The following TSGA10 variants were observed in gnomAD, a reference collection of about 807,000 sequenced individuals.
The protein encoded by TSGA10 is testis-specific gene 10 protein.
A neutral mutation model predicts 96.6 loss-of-function variants in TSGA10; 43 were observed. The observed-to-expected ratio is 0.44, with a 90% confidence interval of 0.35 to 0.57. TSGA10 has a LOEUF of 0.57. Among genes scored for constraint, TSGA10 ranks in the 20% least tolerant of loss-of-function variants. The pLI is 0.01. For missense variants in TSGA10, 703 were observed against 834.4 expected, an observed-to-expected ratio of 0.84 and a Z score of 1.94; for synonymous variants, 229 against 269.9, an observed-to-expected ratio of 0.85 and a Z score of 1.48.
chr2:99,102,695 T>A, intron 10 of TSGA10: 3 of 1,613,116 alleles, frequency 1.9e-6, no homozygotes, highest in Non-Finnish European at 2.5e-6. Flanking sequence ...GTCATATTGA[T>A]GTGATCACAG....
chr2:99,068,632 T>G (rs939389962), intron 15 of TSGA10, among the ~76,000 whole-genome samples: 1 of 152,154 alleles, frequency 6.6e-6, no homozygotes, highest in South Asian at 2.1e-4. Context: ...TCAAATTGAT[T>G]TTAGCCCTTT....
At chr2:99,137,886 CAA>C (rs35439305) in intron 1 of TSGA10, among the ~76,000 whole-genome samples, 136 of 115,890 alleles carry the variant, frequency 1.2e-3, no homozygotes, top group East Asian at 1.9e-3. Flanking sequence ...GACTCCATGT[CAA>C]AAAAAAAAAA....
intron 17 of TSGA10, among the ~76,000 whole-genome samples, chr2:99,033,036 G>C (rs1013285360): frequency 8.5e-5 from 13 of 152,196 alleles, no homozygotes; most frequent in Non-Finnish European, 5.9e-5. Context: ...TACACATCAG[G>C]AAAACTGAAT....
At chr2:99,047,443 C>T (rs6419568) in intron 16 of TSGA10, among the ~76,000 whole-genome samples, 52,223 of 151,932 alleles carry the variant, frequency 0.34, 10,093 homozygotes, top group African/African-American at 0.53. Context: ...TAAATGTAAT[C>T]CATCACATAA....
chr2:99,019,216 C>A (rs1314531881), intron 18 of TSGA10, among the ~76,000 whole-genome samples: 1 of 152,194 alleles, frequency 6.6e-6, no homozygotes, highest in Non-Finnish European at 1.5e-5. Flanking sequence ...CTATCCTCTT[C>A]ACTTGCTTTC....
chr2:99,047,171 T>C (rs944911052), intron 16 of TSGA10, among the ~76,000 whole-genome samples: 2 of 152,210 alleles, frequency 1.3e-5, no homozygotes, highest in African/African-American at 2.4e-5. Flanking sequence ...CCTTTCCTTC[T>C]GAAAGTATTC....
At chr2:99,134,237 CT>C (rs2093232601) in intron 1 of TSGA10, among the ~76,000 whole-genome samples, 1 of 152,150 alleles carries the variant, frequency 6.6e-6, no homozygotes, top group Non-Finnish European at 1.5e-5. Flanking sequence ...TAGGTCTGGT[CT>C]TTTCACATAG....
At chr2:98,999,604 G>T (rs906543032) in intron 20 of TSGA10, among the ~76,000 whole-genome samples, 2 of 152,064 alleles carry the variant, frequency 1.3e-5, no homozygotes, top group Non-Finnish European at 2.9e-5. Flanking sequence ...AAAGCCAAAA[G>T]AAATTTGTTA....
At position 99,147,301 on chromosome 2, in the gene TSGA10, G is replaced by A. The variant is rs551954559; in HGVS notation, c.-621+7392C>T. 9.9e-5 allele frequency: 62 copies of A among 624,342 alleles called. 1 individual carries two copies. The highest frequency in any genetic ancestry group is 6.2e-4 in the South Asian group (26 of 41,688). 38.7% of individuals were successfully genotyped at this position (624,342 alleles called of 1,614,324 possible). ...CAGGCGTGAGCCATTGTGCCCAGCC[G>A]CGTAGCCTATCTTAATATCTAGTAA... On this transcript the variant is annotated intron_variant, in intron 1 of 20. Transcript: ENST00000393483.
At chr2:99,112,109 A>C (rs1245595537) in intron 4 of TSGA10, among the ~76,000 whole-genome samples, 1 of 152,154 alleles carries the variant, frequency 6.6e-6, no homozygotes, top group Non-Finnish European at 1.5e-5. Context: ...TGAAAAACAA[A>C]ATAACTGGCC....
intron 10 of TSGA10, among the ~76,000 whole-genome samples, chr2:99,097,694 A>T (rs1365260487): frequency 6.6e-6 from 1 of 152,202 alleles, no homozygotes; most frequent in African/African-American, 2.4e-5. Context: ...AAAGCATACA[A>T]GACATTAGAT....
chr2:99,132,460 G>A (rs2093137349), intron 1 of TSGA10, among the ~76,000 whole-genome samples: 1 of 151,964 alleles, frequency 6.6e-6, no homozygotes, highest in South Asian at 2.1e-4. Context: ...ATTTCTGTGG[G>A]ATCAGTGGTA....
At chr2:99,146,524 T>C (rs1391076840) in intron 1 of TSGA10, among the ~76,000 whole-genome samples, 1 of 152,242 alleles carries the variant, frequency 6.6e-6, no homozygotes, top group African/African-American at 2.4e-5. Context: ...TTAAGCTTTT[T>C]AGTCTTGTTC....
chr2:99,130,176 TTC>T (rs1361136046), intron 1 of TSGA10, among the ~76,000 whole-genome samples: 3 of 152,232 alleles, frequency 2.0e-5, no homozygotes. Flanking sequence ...CAAATGGTAT[TTC>T]TGATTCTAGA....
chr2:99,126,736 A>C, intron 2 of TSGA10: 1 of 176,556 alleles, frequency 5.7e-6, no homozygotes, highest in Non-Finnish European at 1.2e-5. Flanking sequence ...CAAGTGTCAT[A>C]ATTATTTAAC....
At position 99,043,382 on chromosome 2, in the gene TSGA10, C is replaced by T. The variant is rs1115756; in HGVS notation, c.1405-7943G>A. Among the ~76,000 whole-genome samples the T allele has an allele frequency of 5.3e-4, 80 of 151,786 alleles. 1 individual carries two copies. In the East Asian group the frequency reaches 0.015, roughly 28 times the overall value. On this transcript the variant is annotated intron_variant, in intron 16 of 20. Coordinates refer to ENST00000393483, the MANE Select transcript of TSGA10 (RefSeq NM_025244.4). ...GAATGAAGAAAAATGAACAAACCTC[C>T]GAAAAATATAGGACACTATTAAGCA... is the stretch of plus-strand genomic sequence containing the variant.
At chr2:98,999,743 T>C (rs1457434945) in intron 20 of TSGA10, among the ~76,000 whole-genome samples, 1 of 152,218 alleles carries the variant, frequency 6.6e-6, no homozygotes, top group African/African-American at 2.4e-5. Context: ...ATCTATTTTA[T>C]TTATACTGTT....
At chr2:99,090,107 C>A (rs921270103) in intron 10 of TSGA10, among the ~76,000 whole-genome samples, 3 of 152,214 alleles carry the variant, frequency 2.0e-5, no homozygotes, top group Non-Finnish European at 4.4e-5. Flanking sequence ...AAACACCCCC[C>A]AGTACCAGCC....
At chr2:99,102,451 G>C in intron 10 of TSGA10, 1 of 1,613,930 alleles carries the variant, frequency 6.2e-7, no homozygotes. Flanking sequence ...CTTTCAGGTG[G>C]ACAGAAATCC....
Sources: allele counts gnomAD v4.1 joint callset (sites outside exome capture counted in the v4.1 genomes callset), GRCh38; gene constraint gnomAD v4.1.1; transcripts MANE v1.5; gene names NCBI Gene and HGNC (gene_info 2026-07-23, HGNC 2026-07-21).